PTPRZ1: variants seen among roughly 807,000 people sequenced by gnomAD.
PTPRZ1 encodes protein tyrosine phosphatase receptor type Z1.
A neutral mutation model predicts 214.1 loss-of-function variants in PTPRZ1; 82 were observed. That is an observed-to-expected ratio of 0.38 (90% CI 0.32 to 0.46). The LOEUF (loss-of-function observed/expected upper bound fraction) is 0.46, where lower values mean the gene tolerates loss of function less well. Ranked by LOEUF, PTPRZ1 falls within the 20% of genes least tolerant of loss-of-function variation. The probability of loss-of-function intolerance (pLI) is 1.00; values close to 1 mark genes in which losing one functional copy is unlikely to be tolerated. For synonymous variants in PTPRZ1, 945 were observed against 987.9 expected (o/e 0.96, Z 0.81); for missense variants, 2,603 against 2,748.7 (o/e 0.95, Z 1.19).
intron 1 of PTPRZ1, among the ~76,000 whole-genome samples, chr7:121,917,762 T>C (rs1175806481): frequency 6.6e-6 from 1 of 152,100 alleles, no homozygotes; most frequent in African/African-American, 2.4e-5. Context: ...AGGTCATCAC[T>C]TAAAGGCAGA....
At chr7:122,041,933 G>A (rs1047984831) in intron 21 of PTPRZ1, among the ~76,000 whole-genome samples, 1 of 152,160 alleles carries the variant, frequency 6.6e-6, no homozygotes, top group African/African-American at 2.4e-5. Flanking sequence ...AACGGAGAAG[G>A]ACCAGGCTAT....
chr7:121,952,086 G>A (rs1796562766), intron 2 of PTPRZ1, among the ~76,000 whole-genome samples: 1 of 151,880 alleles, frequency 6.6e-6, no homozygotes, highest in Non-Finnish European at 1.5e-5. Flanking sequence ...AGCCTCCCGA[G>A]TAGCTGGGAC....
At chr7:121,974,638 C>T (rs1797373750) in intron 4 of PTPRZ1, among the ~76,000 whole-genome samples, 1 of 152,202 alleles carries the variant, frequency 6.6e-6, no homozygotes, top group African/African-American at 2.4e-5. Context: ...CAGGTGCATG[C>T]CACCATGCCC....
intron 1 of PTPRZ1, among the ~76,000 whole-genome samples, chr7:121,919,040 A>G (rs1207991457): frequency 1.3e-5 from 2 of 152,010 alleles, no homozygotes; most frequent in Non-Finnish European, 2.9e-5. Flanking sequence ...CTTTTAAAAT[A>G]TGTTCTTTGG....
intron 8 of PTPRZ1, among the ~76,000 whole-genome samples, chr7:121,991,180 G>A (rs186927126): frequency 1.3e-4 from 20 of 152,312 alleles, no homozygotes; most frequent in African/African-American, 4.6e-4. Flanking sequence ...TTGTGGTGAG[G>A]TTTAAATGAC....
intron 1 of PTPRZ1, among the ~76,000 whole-genome samples, chr7:121,880,945 G>A (rs919649831): frequency 6.6e-6 from 1 of 152,150 alleles, no homozygotes; most frequent in African/African-American, 2.4e-5. Context: ...CAAAAACGCT[G>A]ACAACCATTT....
chr7:121,873,625 C>G, intron 1 of PTPRZ1, 68 bp downstream of exon 1: 2 of 1,567,202 alleles, frequency 1.3e-6, no homozygotes, highest in Non-Finnish European at 1.7e-6. Flanking sequence ...AGCATTTCAG[C>G]GTGTCCGCGA....
chr7:121,951,228 C>T (rs1796532418), intron 2 of PTPRZ1, among the ~76,000 whole-genome samples: 1 of 152,114 alleles, frequency 6.6e-6, no homozygotes, highest in Non-Finnish European at 1.5e-5. Context: ...AATTTTAGTT[C>T]AATTTCTTAA....
rs1799655451 is a variant in PTPRZ1 at position 122,039,659 on chromosome 7, T to C, written c.5637+71T>C. ...GGTCATTTTTTAAGTGAATAAGCGA[T>C]AGAACCAAGAAAGGGTAAAAAGCAT... On this transcript the variant is annotated intron_variant, in intron 20 of 29. Coordinates refer to ENST00000393386, the MANE Select transcript of PTPRZ1 (RefSeq NM_002851.3). The C allele has an allele frequency of 7.1e-6, 11 of 1,546,594 alleles. No homozygotes were observed. In the South Asian group the frequency reaches 1.3e-4, roughly 18 times the overall value.
chr7:121,994,387 C>T (rs1325853600), intron 8 of PTPRZ1, among the ~76,000 whole-genome samples: 2 of 141,732 alleles, frequency 1.4e-5, no homozygotes, highest in Middle Eastern at 4.6e-3. Context: ...CTCCGCATCC[C>T]GGGTTCACGC....
chr7:121,984,997 AT>A lies in PTPRZ1; in HGVS notation c.928+889del, dbSNP rs200463887. Among the ~76,000 whole-genome samples the A allele has an allele frequency of 2.7e-4, 41 of 151,430 alleles. 1 individual carries two copies. The South Asian group carries it at 5.2e-3, about 19-fold the overall frequency. On this transcript the variant is annotated intron_variant, in intron 8 of 29. Coordinates refer to ENST00000393386, the MANE Select transcript of PTPRZ1 (RefSeq NM_002851.3). ...TATCAGTCCTGCAATGAATTCAATG[AT>A]TTTTTTTTGCCATGTATAATATTAA...
rs903028183 is a variant in PTPRZ1 at position 122,041,953 on chromosome 7, C to T, written c.5802-655C>T. ...AGAAGGACCAGGCTATTGTGCAGAG[C>T]AGGTGCTAATTTTCCACTCTAGCAC... On this transcript the variant is annotated intron_variant, in intron 21 of 29. Coordinates refer to ENST00000393386, the MANE Select transcript of PTPRZ1 (RefSeq NM_002851.3). Among the ~76,000 whole-genome samples, 5 of 152,282 alleles carry T rather than the reference C, an allele frequency of 3.3e-5. No homozygotes were observed. The East Asian group carries it at 9.6e-4, about 29-fold the overall frequency.
chr7:122,040,729 C>CGTGT lies in PTPRZ1; in HGVS notation c.5638-36_5638-33dup, dbSNP rs3993671. ...GATTCCTGACTTGCTGTTGAAGAAC[C>CGTGT]GTGTGTGTGTGTGTGTGTGTGTGTG... On this transcript the variant is annotated intron_variant, in intron 20 of 29. Transcript: ENST00000393386. 8.9e-3 allele frequency: 4,328 copies of CGTGT among 488,700 alleles called. 35 individuals carry two copies. The highest frequency in any genetic ancestry group is 0.021 in the Admixed American group (458 of 22,284). 30.3% of individuals were successfully genotyped at this position (488,700 alleles called of 1,614,324 possible).
chr7:122,019,356 A>C, intron 13 of PTPRZ1, 88 bp downstream of exon 13: 2 of 1,334,254 alleles, frequency 1.5e-6, no homozygotes, highest in East Asian at 2.4e-5. Flanking sequence ...AAGCATATTC[A>C]AAATGTATTT....
intron 2 of PTPRZ1, among the ~76,000 whole-genome samples, chr7:121,957,106 ATTTCTGCAGGGT>A (rs1563036538): frequency 6.6e-6 from 1 of 152,146 alleles, no homozygotes; most frequent in African/African-American, 2.4e-5. Context: ...CCTGGTCTCC[ATTTCTGCAGGGT>A]TATTCCCCTC....
chr7:121,954,604 A>G (rs557973866), intron 2 of PTPRZ1, among the ~76,000 whole-genome samples: 12 of 152,322 alleles, frequency 7.9e-5, no homozygotes, highest in African/African-American at 2.9e-4. Context: ...TATATTCATT[A>G]GATTATATTA....
intron 1 of PTPRZ1, among the ~76,000 whole-genome samples, chr7:121,879,560 G>A (rs1302959071): frequency 6.6e-6 from 1 of 152,134 alleles, no homozygotes; most frequent in Non-Finnish European, 1.5e-5. Context: ...ACGTGCTTTT[G>A]GAGTTTGTCA....
chr7:121,996,677 G>T (rs894061582), intron 9 of PTPRZ1, 111 bp downstream of exon 9: 1 of 835,054 alleles, frequency 1.2e-6, no homozygotes, highest in African/African-American at 1.8e-5. Context: ...TAGACTTTAT[G>T]TGAAGGTGGG....
At chr7:122,051,670 C>T (rs1792189707) in intron 24 of PTPRZ1, 149 bp downstream of exon 24, 1 of 840,352 alleles carries the variant, frequency 1.2e-6, no homozygotes, top group Admixed American at 2.7e-5. Context: ...CCAAAGGACT[C>T]ATAAATCCTT....
Sources: allele counts gnomAD v4.1 joint callset (sites outside exome capture counted in the v4.1 genomes callset), GRCh38; gene constraint gnomAD v4.1.1; transcripts MANE v1.5; gene names NCBI Gene and HGNC (gene_info 2026-07-23, HGNC 2026-07-21).